Variants in ACACB observed in about 807,000 individuals in gnomAD.
ACACB encodes the protein acetyl-CoA carboxylase 2.
ACACB carries 209 observed loss-of-function variants against 278.8 expected under a neutral mutation model. The ratio of observed to expected loss-of-function variants is 0.75; its 90% CI spans 0.67 to 0.84. The LOEUF (loss-of-function observed/expected upper bound fraction) is 0.84, where lower values mean the gene tolerates loss of function less well. Among genes scored for constraint, ACACB ranks in the 40% least tolerant of loss-of-function variants. ACACB has a pLI of 0.00. For synonymous variants in ACACB, 1,174 were observed against 1,285.6 expected, an observed-to-expected ratio of 0.91 and a Z score of 1.86; for missense variants, 2,850 against 3,269.0, an observed-to-expected ratio of 0.87 and a Z score of 3.13.
chr12:109,178,728 A>C (rs1681299999), intron 9 of ACACB, among the ~76,000 whole-genome samples: 1 of 152,204 alleles, frequency 6.6e-6, no homozygotes, highest in South Asian at 2.1e-4. Flanking sequence ...GCAGAGAAGG[A>C]TCTGTCTGCA....
At chr12:109,136,886 T>C (rs773657819) in intron 1 of ACACB, among the ~76,000 whole-genome samples, 4 of 152,260 alleles carry the variant, frequency 2.6e-5, no homozygotes, top group Non-Finnish European at 5.9e-5. Flanking sequence ...CAGTACAGTG[T>C]TGAATAGCAC....
Position 109,139,866 on chromosome 12 carries a change from A to T in ACACB, c.461A>T (p.Gln154Leu). ...TCCCCCTCCAAAGAAGACAAGAAGC[A>T]GGCAAACATCAAGAGGCAGCTGATG... ...AGSPSKEDKK[Q>L]ANIKRQLMTN... Residue 154 changes from glutamine to leucine, a missense_variant, in exon 2 of 53, where the codon CAG becomes CTG. Physicochemically the swap from Gln to Leu is moderately radical, Grantham distance 113. This residue lies in a region of ACACB where 2,265 missense variants were observed against 2,561.3 expected (regional missense o/e 0.88). Coordinates refer to ENST00000338432, the MANE Select transcript of ACACB (RefSeq NM_001093.4). The T allele has an allele frequency of 6.2e-7, 1 of 1,614,196 alleles. No homozygotes were observed. Among genetic ancestry groups the T allele is most frequent in the Non-Finnish European group, 8.5e-7 (1 of 1,180,014 alleles).
chr12:109,208,988 C>T (rs1565923474), intron 20 of ACACB, among the ~76,000 whole-genome samples, 177 bp from the exon 21 acceptor site: 1 of 152,138 alleles, frequency 6.6e-6, no homozygotes, highest in Non-Finnish European at 1.5e-5. Flanking sequence ...CTGAGTATTC[C>T]CCTGTGGTCA....
chr12:109,137,294 G>A (rs2136009811), intron 1 of ACACB, among the ~76,000 whole-genome samples: 1 of 152,244 alleles, frequency 6.6e-6, no homozygotes, highest in South Asian at 2.1e-4. Flanking sequence ...GAAGTACTTG[G>A]ATTGTTTAGT....
intron 16 of ACACB, among the ~76,000 whole-genome samples, chr12:109,193,938 A>G (rs909408879): frequency 3.3e-5 from 5 of 152,208 alleles, no homozygotes; most frequent in African/African-American, 1.2e-4. Flanking sequence ...CAGAGGGCAC[A>G]ATGGAGCGTG....
At position 109,210,188 on chromosome 12, in the gene ACACB, C is replaced by CGT. The variant is rs1555222918; in HGVS notation, c.3249+840_3249+841dup. ...ATATGTATATATGTATATATACACA[C>CGT]GTGTGTATATGTATATATGTATATA... is the stretch of plus-strand genomic sequence containing the variant. On this transcript the variant is annotated intron_variant, in intron 21 of 52. Transcript: ENST00000338432. 1.5e-4 allele frequency among the ~76,000 whole-genome samples: 2 copies of CGT among 13,750 alleles called. 1 individual carries two copies. The highest frequency in any genetic ancestry group is 2.8e-4 in the Non-Finnish European group (2 of 7,262). 9.0% of individuals were successfully genotyped at this position (13,750 alleles called of 152,430 possible). A position where few individuals can be genotyped will look rare whatever the true frequency, so the allele number is the denominator to read the frequency against.
At chr12:109,192,318 A>G (rs1009088496) in intron 15 of ACACB, among the ~76,000 whole-genome samples, 1 of 152,226 alleles carries the variant, frequency 6.6e-6, no homozygotes, top group Non-Finnish European at 1.5e-5. Context: ...GACCCTCACC[A>G]GAATCAGAGG....
intron 21 of ACACB, among the ~76,000 whole-genome samples, chr12:109,211,288 A>G (rs1475678368): frequency 6.8e-6 from 1 of 147,504 alleles, no homozygotes; most frequent in East Asian, 2.0e-4. Flanking sequence ...GGATGAACCT[A>G]TTGTGCTAAG....
chr12:109,221,662 G>A (rs2046163541), intron 24 of ACACB, among the ~76,000 whole-genome samples: 2 of 152,158 alleles, frequency 1.3e-5, no homozygotes, highest in Non-Finnish European at 1.5e-5. Context: ...TTTGGGGGCA[G>A]AATAGTGCTG....
chr12:109,227,256 CAGAT>C, intron 27 of ACACB, 111 bp from the exon 28 acceptor site: 1 of 945,116 alleles, frequency 1.1e-6, no homozygotes, highest in Middle Eastern at 2.5e-4. Flanking sequence ...GGCCTGCTTA[CAGAT>C]AGATATTTTA....
At chr12:109,192,080 C>A in intron 15 of ACACB, 130 bp downstream of exon 15, 3 of 972,124 alleles carry the variant, frequency 3.1e-6, no homozygotes, top group Non-Finnish European at 4.7e-6. Flanking sequence ...CCGGTCTTGC[C>A]TCTGGGAAAT....
At chr12:109,264,154 CAAAA>C (rs35795929) in intron 49 of ACACB, 74 bp from the exon 50 acceptor site, 372 of 1,350,122 alleles carry the variant, frequency 2.8e-4, no homozygotes, top group Non-Finnish European at 3.5e-4. Context: ...GTGCCTTCTT[CAAAA>C]AAAAAAAAAA....
intron 1 of ACACB, among the ~76,000 whole-genome samples, chr12:109,119,873 C>T (rs548555865): frequency 6.6e-6 from 1 of 151,584 alleles, no homozygotes; most frequent in South Asian, 2.1e-4. Flanking sequence ...CTAGCCTGGG[C>T]GACAGAGCGA....
chr12:109,265,353 G>T, intron 51 of ACACB, 36 bp from the exon 52 acceptor site: 1 of 1,611,542 alleles, frequency 6.2e-7, no homozygotes. Flanking sequence ...CCCACAGCTG[G>T]GTCCCTCTCT....
At chr12:109,160,793 T>C (rs185370956) in intron 2 of ACACB, among the ~76,000 whole-genome samples, 2 of 152,332 alleles carry the variant, frequency 1.3e-5, no homozygotes, top group African/African-American at 4.8e-5. Flanking sequence ...CAGCTTTGTG[T>C]GTTCGCTTGC....
intron 13 of ACACB, among the ~76,000 whole-genome samples, chr12:109,190,019 G>A (rs1355616982): frequency 2.0e-5 from 3 of 152,172 alleles, no homozygotes; most frequent in Non-Finnish European, 4.4e-5. Flanking sequence ...GCTGAGGCAG[G>A]AGAATTGCTT....
At chr12:109,154,202 G>A (rs550681313) in intron 2 of ACACB, among the ~76,000 whole-genome samples, 98 of 152,312 alleles carry the variant, frequency 6.4e-4, no homozygotes, top group African/African-American at 2.2e-3. Flanking sequence ...GGAGGCACTC[G>A]CTTCAGTAGC....
intron 19 of ACACB, among the ~76,000 whole-genome samples, chr12:109,204,005 T>G (rs1323854589): frequency 6.6e-6 from 1 of 152,196 alleles, no homozygotes. Context: ...GAGTATTCTA[T>G]TAATTGTATT....
intron 21 of ACACB, 105 bp downstream of exon 21, chr12:109,209,458 C>A: frequency 8.4e-7 from 1 of 1,187,846 alleles, no homozygotes; most frequent in South Asian, 1.5e-5. Context: ...CTCCTTGAGA[C>A]CCACTTATAG....
Sources: allele counts gnomAD v4.1 joint callset (sites outside exome capture counted in the v4.1 genomes callset), GRCh38; gene constraint gnomAD v4.1.1; regional missense constraint gnomAD v4.1.1; transcripts MANE v1.5; gene names NCBI Gene and HGNC (gene_info 2026-07-23, HGNC 2026-07-21).